TMEM176A: variants seen among roughly 807,000 people sequenced by gnomAD.
TMEM176A encodes the protein transmembrane protein 176A, also known as hepatocellular carcinoma-associated antigen 112.
TMEM176A carries 20 observed loss-of-function variants against 27.9 expected under a neutral mutation model. The ratio of observed to expected loss-of-function variants is 0.72; its 90% CI spans 0.50 to 1.04. The LOEUF is 1.04. Ranked by LOEUF, TMEM176A falls within the 50% of genes least tolerant of loss-of-function variation. TMEM176A has a pLI of 0.00. For synonymous variants in TMEM176A, 125 were observed against 118.0 expected (o/e 1.06, Z -0.38); for missense variants, 252 against 289.1 (o/e 0.87, Z 0.93).
chr7:150,801,960 A>G, intron 2 of TMEM176A: 1 of 620,106 alleles, frequency 1.6e-6, no homozygotes, highest in Non-Finnish European at 2.8e-6. Context: ...CCCTGAGTCC[A>G]TCCTTTCCTC....
intron 5 of TMEM176A, 61 bp from the exon 6 acceptor site, chr7:150,804,301 G>T: frequency 4.4e-6 from 6 of 1,366,002 alleles, no homozygotes; most frequent in Non-Finnish European, 6.3e-6. Flanking sequence ...AAGGAGCATG[G>T]GGACAGAGCA....
intron 1 of TMEM176A, 179 bp from the exon 2 acceptor site, chr7:150,801,357 C>CA (rs1421350399): frequency 2.0e-6 from 1 of 507,166 alleles, no homozygotes; most frequent in African/African-American, 3.2e-5. Flanking sequence ...CCAGCATGGT[C>CA]AGCACCCCCT....
chr7:150,802,227 GT>G lies in TMEM176A; in HGVS notation c.188del (p.Val63GlyfsTer5), dbSNP rs1563049656. 2 of 1,614,008 alleles carry G rather than the reference GT, an allele frequency of 1.2e-6. No homozygotes were observed. The highest frequency in any genetic ancestry group is 1.7e-6 in the Non-Finnish European group (2 of 1,179,962). ...CTTTGTCTTTCAGGTGATGCAGATC[GT>G]GCTGGGGATCTTGAGTGCAGTCCTA... is the stretch of plus-strand genomic sequence containing the variant. ...LLVASWVMQIVLGILSAVLGG... is the reference protein window; with the variant it reads ...LLVASWVMQIXLGILSAVLGG... On this transcript the variant is annotated frameshift_variant, in exon 3 of 7. Coordinates refer to ENST00000004103, the MANE Select transcript of TMEM176A (RefSeq NM_018487.3). LOFTEE classifies it high-confidence loss of function.
intron 3 of TMEM176A, chr7:150,802,549 C>A: frequency 1.5e-6 from 1 of 675,608 alleles, no homozygotes; most frequent in Non-Finnish European, 2.3e-6. Context: ...CTGTTCCCAC[C>A]AGGCTGGCTG....
chr7:150,803,517 C>T, intron 4 of TMEM176A, 61 bp downstream of exon 4: 1 of 1,577,038 alleles, frequency 6.3e-7, no homozygotes, highest in Non-Finnish European at 8.6e-7. Flanking sequence ...CCCCAATCTC[C>T]TGCCCTGTTG....
intron 4 of TMEM176A, 34 bp from the exon 5 acceptor site, chr7:150,803,584 AAC>A: frequency 6.2e-7 from 1 of 1,610,354 alleles, no homozygotes. Flanking sequence ...GAGAGACTGA[AAC>A]ACAAAGATTT....
At chr7:150,801,420 G>A (rs1108578) in intron 1 of TMEM176A, 116 bp from the exon 2 acceptor site, 1 of 1,036,186 alleles carries the variant, frequency 9.7e-7, no homozygotes, top group South Asian at 1.6e-5. Flanking sequence ...CTGTGACCAG[G>A]ACAGCCATTC....
chr7:150,801,981 T>C, intron 2 of TMEM176A: 1 of 615,442 alleles, frequency 1.6e-6, no homozygotes, highest in Non-Finnish European at 2.8e-6. Flanking sequence ...TGGGCCAAAC[T>C]CAGGATGGGC....
intron 3 of TMEM176A, 54 bp downstream of exon 3, chr7:150,802,379 C>A: frequency 6.8e-7 from 1 of 1,479,882 alleles, no homozygotes; most frequent in Non-Finnish European, 9.4e-7. Context: ...GGGCATTGCT[C>A]TCCTGATTGC....
chr7:150,803,597 C>A lies in TMEM176A; in HGVS notation c.343-23C>A, dbSNP rs1288901259. ...GAGAGAGACTGAAACACAAAGATTTCTCTCTGCCTCCTCCCTCCCCAGGCC... is the reference window on the plus strand; with the variant it reads ...GAGAGAGACTGAAACACAAAGATTTATCTCTGCCTCCTCCCTCCCCAGGCC... On this transcript the variant is annotated intron_variant, in intron 4 of 6. Transcript: ENST00000004103. 3.7e-6 allele frequency: 6 copies of A among 1,612,252 alleles called. 2 individuals are homozygous for A. The Middle Eastern group carries it at 1.0e-3, about 278-fold the overall frequency.
chr7:150,804,150 C>A (rs911963172), intron 5 of TMEM176A, among the ~76,000 whole-genome samples: 9 of 152,182 alleles, frequency 5.9e-5, no homozygotes, highest in African/African-American at 1.7e-4. Flanking sequence ...CAAATCATAG[C>A]CCAAACCTGT....
intron 1 of TMEM176A, 66 bp downstream of exon 1, chr7:150,800,894 G>T: frequency 7.1e-6 from 7 of 985,276 alleles, no homozygotes; most frequent in Non-Finnish European, 8.4e-6. Flanking sequence ...AGCTGCCTCC[G>T]CACAGTTGGA....
chr7:150,800,921 C>A (rs1451576639), intron 1 of TMEM176A, 93 bp downstream of exon 1: 1 of 985,462 alleles, frequency 1.0e-6, no homozygotes, highest in African/African-American at 1.7e-5. Context: ...TAGGAGGGAC[C>A]CCCACCCAGG....
At chr7:150,801,373 A>T in intron 1 of TMEM176A, 163 bp from the exon 2 acceptor site, 2 of 652,858 alleles carry the variant, frequency 3.1e-6, no homozygotes, top group Non-Finnish European at 5.1e-6. Context: ...CCCCTCTGCT[A>T]CACACATTCC....
chr7:150,804,803 G>A (rs373181437), intron 6 of TMEM176A, 24 bp from the exon 7 acceptor site: 5 of 1,613,908 alleles, frequency 3.1e-6, no homozygotes, highest in South Asian at 1.1e-5. Flanking sequence ...ACTCACGATT[G>A]TCTTGCCTTT....
At chr7:150,802,425 C>T (rs1377490411) in intron 3 of TMEM176A, 100 bp downstream of exon 3, 5 of 1,069,346 alleles carry the variant, frequency 4.7e-6, no homozygotes, top group East Asian at 2.5e-5. Flanking sequence ...TGCTGGCAGT[C>T]GGAGAGATCT....
Position 150,804,346 on chromosome 7 carries a change from G to A in TMEM176A, c.556-16G>A, listed in dbSNP as rs1350948282. ...CTGTCATCCTGGTGCTTATGGCCTT[G>A]GCCCTCTGTCCCCAGGCCTTGTTCA... On this transcript the variant is annotated splice_polypyrimidine_tract_variant and intron_variant, in intron 5 of 6. Coordinates refer to ENST00000004103, the MANE Select transcript of TMEM176A (RefSeq NM_018487.3). The A allele has an allele frequency of 1.9e-6, 3 of 1,601,990 alleles. No individual in the cohort carries two copies.
chr7:150,801,824 C>A, intron 2 of TMEM176A, 100 bp downstream of exon 2: 1 of 1,147,498 alleles, frequency 8.7e-7, no homozygotes, highest in Non-Finnish European at 1.2e-6. Context: ...GGACACCGAG[C>A]CAGTTATGTC....
In TMEM176A at chr7:150,801,601, C is replaced by G; in HGVS notation, c.51C>G (p.Thr17=). Residue 17 remains threonine (T), a synonymous_variant, in exon 2 of 7, where the codon ACC becomes ACG. Transcript: ENST00000004103. Reference sequence around the variant, plus strand: ...TGGCCCCGGAGGCCCCACAGCACACCCACATCGATGTGCACATCCACCAGG... The same window carrying G: ...TGGCCCCGGAGGCCCCACAGCACACGCACATCGATGTGCACATCCACCAGG... ...DEMAPEAPQH[T]HIDVHIHQES... The G allele has an allele frequency of 6.2e-7, 1 of 1,613,552 alleles. No individual in the cohort carries two copies. Among genetic ancestry groups the G allele is most frequent in the Non-Finnish European group, 8.5e-7 (1 of 1,179,920 alleles).
Sources: allele counts gnomAD v4.1 joint callset (sites outside exome capture counted in the v4.1 genomes callset), GRCh38; gene constraint gnomAD v4.1.1; transcripts MANE v1.5; gene names NCBI Gene and HGNC (gene_info 2026-07-23, HGNC 2026-07-21).